EIPR1: variants seen among roughly 807,000 people sequenced by gnomAD.
EIPR1 encodes the protein EARP complex and GARP complex interacting protein 1.
In EIPR1, 25 loss-of-function variants were observed where a neutral mutation model predicts 48.1. That is an observed-to-expected ratio of 0.52 (90% CI 0.38 to 0.73). The LOEUF is 0.73. Ranked by LOEUF, EIPR1 falls within the 30% of genes least tolerant of loss-of-function variation. The probability of loss-of-function intolerance (pLI) is 0.00; values close to 1 mark genes in which losing one functional copy is unlikely to be tolerated. For synonymous variants in EIPR1, 204 were observed against 201.9 expected (o/e 1.01, Z -0.09); for missense variants, 415 against 506.2 (o/e 0.82, Z 1.73).
chr2:3,323,630 T>G (rs192269398), intron 3 of EIPR1, among the ~76,000 whole-genome samples: 7 of 152,228 alleles, frequency 4.6e-5, no homozygotes, highest in African/African-American at 1.7e-4. Context: ...AGGAGTGCCT[T>G]TAAAGTCCCT....
intron 3 of EIPR1, among the ~76,000 whole-genome samples, chr2:3,278,303 C>T (rs1232119763): frequency 1.3e-5 from 2 of 152,198 alleles, no homozygotes; most frequent in African/African-American, 2.4e-5. Context: ...TGGTTGGTGC[C>T]ACTGCCCACA....
At position 3,309,351 on chromosome 2, in the gene EIPR1, T is replaced by C. The variant is rs150241976; in HGVS notation, c.259+28666A>G. ...ATCAAAGCACCTCTACAGAGTTGTA[T>C]ATTCAAAAACACTGTAACTAAATCA... On this transcript the variant is annotated intron_variant, in intron 3 of 8. Coordinates refer to ENST00000382125, the MANE Select transcript of EIPR1 (RefSeq NM_003310.5). 6.6e-3 allele frequency among the ~76,000 whole-genome samples: 1,010 copies of C among 152,330 alleles called. 7 individuals are homozygous for C. Among genetic ancestry groups the C allele is most frequent in the Non-Finnish European group, 9.2e-3 (626 of 68,028 alleles).
intron 1 of EIPR1, among the ~76,000 whole-genome samples, chr2:3,373,076 C>A (rs1410739969): frequency 5.3e-5 from 8 of 152,080 alleles, no homozygotes; most frequent in Non-Finnish European, 1.2e-4. Context: ...CTGGTTCAAT[C>A]TACGCAAATC....
intron 3 of EIPR1, among the ~76,000 whole-genome samples, chr2:3,311,349 C>A (rs1669122229): frequency 6.6e-6 from 1 of 151,848 alleles, no homozygotes; most frequent in South Asian, 2.1e-4. Context: ...TTTGAGATTC[C>A]AGAAATGATT....
chr2:3,349,781 CAG>C (rs1670515367), intron 2 of EIPR1, among the ~76,000 whole-genome samples: 3 of 152,214 alleles, frequency 2.0e-5, no homozygotes, highest in East Asian at 1.9e-4. Flanking sequence ...GATGGGGACA[CAG>C]AGAATACTGT....
chr2:3,223,160 A>G (rs996135753), intron 4 of EIPR1, among the ~76,000 whole-genome samples: 2 of 152,184 alleles, frequency 1.3e-5, no homozygotes, highest in African/African-American at 4.8e-5. Flanking sequence ...CAACGAAGAG[A>G]GATGTGGCCT....
intron 5 of EIPR1, among the ~76,000 whole-genome samples, chr2:3,202,391 T>C (rs772085392): frequency 3.9e-5 from 6 of 152,238 alleles, no homozygotes; most frequent in Non-Finnish European, 5.9e-5. Context: ...TGATTATCCA[T>C]TGATGACAAT....
chr2:3,208,760 G>C (rs777873039), intron 5 of EIPR1: 2 of 1,547,876 alleles, frequency 1.3e-6, no homozygotes, highest in African/African-American at 1.4e-5. Context: ...AGTGAGGCCC[G>C]TGGCGAGTCC....
At chr2:3,276,589 T>C (rs1309806851) in intron 3 of EIPR1, among the ~76,000 whole-genome samples, 3 of 152,182 alleles carry the variant, frequency 2.0e-5, no homozygotes, top group Non-Finnish European at 4.4e-5. Flanking sequence ...CAGTGGCCCA[T>C]GTGCCACTCG....
At chr2:3,190,203 C>A (rs534967097) in intron 8 of EIPR1, among the ~76,000 whole-genome samples, 15 of 152,320 alleles carry the variant, frequency 9.8e-5, no homozygotes, top group African/African-American at 3.4e-4. Context: ...CTCAGCACAG[C>A]GTGCATGGGG....
chr2:3,340,349 C>G (rs1306361324), intron 2 of EIPR1, among the ~76,000 whole-genome samples: 1 of 152,202 alleles, frequency 6.6e-6, no homozygotes, highest in East Asian at 1.9e-4. Context: ...GGCCGGCTTG[C>G]CCGAGGCAGA....
chr2:3,285,335 C>T (rs1668149164), intron 3 of EIPR1, among the ~76,000 whole-genome samples: 1 of 148,342 alleles, frequency 6.7e-6, no homozygotes, highest in Non-Finnish European at 1.5e-5. Context: ...CCACCCCCAC[C>T]CCCACCCCCC....
intron 5 of EIPR1, among the ~76,000 whole-genome samples, chr2:3,205,947 T>C (rs922416856): frequency 6.6e-6 from 1 of 152,190 alleles, no homozygotes; most frequent in Non-Finnish European, 1.5e-5. Context: ...ATCTTTACTA[T>C]GACTCAAAAA....
intron 4 of EIPR1, among the ~76,000 whole-genome samples, chr2:3,226,617 C>T (rs6548131): frequency 0.91 from 139,238 of 152,278 alleles, 64,148 homozygotes; most frequent in East Asian, 0.98. Flanking sequence ...AAATCTGATG[C>T]ACTCTCATTT....
chr2:3,227,728 GC>G (rs1477946436), intron 4 of EIPR1, among the ~76,000 whole-genome samples: 2 of 152,200 alleles, frequency 1.3e-5, no homozygotes, highest in Non-Finnish European at 2.9e-5. Context: ...CAGGCCTACG[GC>G]CCCCCTGCTC....
At chr2:3,346,295 G>A (rs897125822) in intron 2 of EIPR1, among the ~76,000 whole-genome samples, 2 of 152,238 alleles carry the variant, frequency 1.3e-5, no homozygotes, top group Non-Finnish European at 2.9e-5. Context: ...GGAATTTGCA[G>A]CAAAATCCCG....
chr2:3,290,400 G>GT (rs1002827085), intron 3 of EIPR1, among the ~76,000 whole-genome samples: 2 of 152,238 alleles, frequency 1.3e-5, no homozygotes, highest in African/African-American at 4.8e-5. Context: ...CCACTAAAAT[G>GT]TGACAGCGGG....
At chr2:3,260,365 C>T (rs1376032527) in intron 3 of EIPR1, among the ~76,000 whole-genome samples, 2 of 152,060 alleles carry the variant, frequency 1.3e-5, no homozygotes, top group African/African-American at 4.8e-5. Flanking sequence ...GTGGTGGGCG[C>T]CTATAATCCC....
chr2:3,344,843 A>G (rs540655180), intron 2 of EIPR1, among the ~76,000 whole-genome samples: 57 of 152,020 alleles, frequency 3.7e-4, no homozygotes, highest in African/African-American at 1.3e-3. Flanking sequence ...GGGTTTCATC[A>G]TATTGGCCAG....
Sources: gnomAD v4.1 joint callset for allele counts (sites outside exome capture counted in the v4.1 genomes callset) on GRCh38, gnomAD v4.1.1 for gene constraint, MANE v1.5 for transcripts, NCBI Gene and HGNC (gene_info 2026-07-23, HGNC 2026-07-21) for gene names.